Variants in LGSN observed in about 807,000 individuals in gnomAD.
LGSN encodes lengsin.
A neutral mutation model predicts 19.5 loss-of-function variants in LGSN; 21 were observed. That is an observed-to-expected ratio of 1.07 (90% CI 0.76 to 1.55). The LOEUF (loss-of-function observed/expected upper bound fraction) is 1.55. Ranked by LOEUF, LGSN falls within the 40% of genes most tolerant of loss-of-function variation. The pLI is 0.00. For missense variants in LGSN, 673 were observed against 608.5 expected (o/e 1.11, Z -1.12); for synonymous variants, 257 against 215.6 (o/e 1.19, Z -1.68).
the LGSN span, chr6:63,571,907 C>T: frequency 1.3e-5 from 2 of 152,154 alleles, no homozygotes; most frequent in East Asian, 1.9e-4. Context: ...AGCCTAAGGC[C>T]GTGGCATGCA....
chr6:63,325,186 A>G, the LGSN span, among the ~76,000 whole-genome samples: 1 of 152,038 alleles, frequency 6.6e-6, no homozygotes, highest in Non-Finnish European at 1.5e-5. Context: ...AAAAAACACA[A>G]AACAAACAAA....
the LGSN span, among the ~76,000 whole-genome samples, chr6:63,475,093 A>G: frequency 6.6e-6 from 1 of 152,176 alleles, no homozygotes; most frequent in African/African-American, 2.4e-5. Context: ...AATGACCTCT[A>G]TAAGGACAAA....
At chr6:63,327,330 C>T in the LGSN span, among the ~76,000 whole-genome samples, 2 of 152,194 alleles carry the variant, frequency 1.3e-5, no homozygotes, top group African/African-American at 4.8e-5. Flanking sequence ...AGATGGCTGC[C>T]ATGGGACCTA....
the LGSN span, among the ~76,000 whole-genome samples, chr6:63,424,308 C>A: frequency 2.6e-5 from 4 of 151,956 alleles, no homozygotes; most frequent in African/African-American, 9.7e-5. Context: ...CTCCCTATAA[C>A]CATTAAGGAA....
At chr6:63,547,251 ATGATCT>A in the LGSN span, among the ~76,000 whole-genome samples, 4 of 140,196 alleles carry the variant, frequency 2.9e-5, no homozygotes, top group Non-Finnish European at 6.0e-5. Flanking sequence ...GTGCAATGGT[ATGATCT>A]CAGCACACTG....
chr6:63,563,068 G>C, the LGSN span, among the ~76,000 whole-genome samples: 1 of 152,108 alleles, frequency 6.6e-6, no homozygotes, highest in African/African-American at 2.4e-5. Context: ...TGCCTCCACT[G>C]TCCTGATCAT....
At chr6:63,418,207 T>G in the LGSN span, among the ~76,000 whole-genome samples, 1 of 152,194 alleles carries the variant, frequency 6.6e-6, no homozygotes, top group Non-Finnish European at 1.5e-5. Flanking sequence ...TCTGGAATTA[T>G]GTAGTAGACA....
the LGSN span, among the ~76,000 whole-genome samples, chr6:63,464,502 C>G: frequency 6.7e-6 from 1 of 149,664 alleles, no homozygotes; most frequent in East Asian, 1.9e-4. Context: ...AGTACCTAGC[C>G]TCACTTAGCT....
At chr6:63,478,930 T>A in the LGSN span, among the ~76,000 whole-genome samples, 1 of 152,256 alleles carries the variant, frequency 6.6e-6, no homozygotes, top group Non-Finnish European at 1.5e-5. Flanking sequence ...GATACCACAG[T>A]GGTTACAATG....
chr6:63,411,827 A>G, the LGSN span, among the ~76,000 whole-genome samples: 1 of 152,144 alleles, frequency 6.6e-6, no homozygotes, highest in African/African-American at 2.4e-5. Context: ...AGCCTGGGTG[A>G]CAGAGTGAGA....
At chr6:63,512,111 C>T in the LGSN span, among the ~76,000 whole-genome samples, 5 of 150,550 alleles carry the variant, frequency 3.3e-5, no homozygotes, top group East Asian at 7.8e-4. Context: ...GAGACAAAGT[C>T]TTGCTCTGTT....
At chr6:63,330,977 C>T in the LGSN span, among the ~76,000 whole-genome samples, 4 of 152,182 alleles carry the variant, frequency 2.6e-5, no homozygotes, top group Non-Finnish European at 4.4e-5. Flanking sequence ...CCAGGTCTGC[C>T]TTGATCTGTT....
At chr6:63,490,246 T>C in the LGSN span, among the ~76,000 whole-genome samples, 6 of 152,322 alleles carry the variant, frequency 3.9e-5, no homozygotes, top group African/African-American at 1.4e-4. Context: ...CTGCCTGTTT[T>C]CAGGTCATCC....
rs1562003524 is a variant in LGSN at position 63,281,155 on chromosome 6, G to A, written c.396C>T (p.Asp132=). The part of the protein sequence containing the change: ...GYLEVIPNPK[D]NEMNNIRATC... ...TGGCTCTTATGTTATTCATTTCATT[G>A]TCCTTTGGATTTGGTATCACTTCAA... is the stretch of plus-strand genomic sequence containing the variant. The change falls in exon 4 of 4, where the codon GAC becomes GAT. Residue 132 remains aspartate, a synonymous_variant. Coordinates refer to ENST00000370657, the MANE Select transcript of LGSN (RefSeq NM_016571.3). 2.5e-6 allele frequency: 4 copies of A among 1,613,130 alleles called. No homozygotes were observed. The highest frequency in any genetic ancestry group is 3.4e-6 in the Non-Finnish European group (4 of 1,179,754).
chr6:63,451,630 G>T, the LGSN span, among the ~76,000 whole-genome samples: 1 of 151,952 alleles, frequency 6.6e-6, no homozygotes, highest in Non-Finnish European at 1.5e-5. Flanking sequence ...AGAGGATCAG[G>T]AAAAATAACT....
the LGSN span, among the ~76,000 whole-genome samples, chr6:63,525,508 T>G: frequency 1.3e-5 from 2 of 152,200 alleles, no homozygotes; most frequent in African/African-American, 4.8e-5. Context: ...TTCCACTATT[T>G]CCCCATCTCC....
the LGSN span, among the ~76,000 whole-genome samples, chr6:63,505,507 G>A: frequency 1.4e-5 from 2 of 147,332 alleles, no homozygotes; most frequent in Admixed American, 6.9e-5. Flanking sequence ...GAACCCAGGA[G>A]GTGGAGGTTG....
At chr6:63,431,339 T>C in the LGSN span, among the ~76,000 whole-genome samples, 2 of 152,314 alleles carry the variant, frequency 1.3e-5, no homozygotes, top group South Asian at 4.1e-4. Context: ...AACCTGAGTG[T>C]TGGTTGGGGC....
At chr6:63,329,650 CT>C in the LGSN span, among the ~76,000 whole-genome samples, 1 of 152,126 alleles carries the variant, frequency 6.6e-6, no homozygotes, top group Non-Finnish European at 1.5e-5. Context: ...CATTTTTTGC[CT>C]TTCCAGATTC....
Sources: gnomAD v4.1 joint callset for allele counts (sites outside exome capture counted in the v4.1 genomes callset) on GRCh38, gnomAD v4.1.1 for gene constraint, MANE v1.5 for transcripts, NCBI Gene and HGNC (gene_info 2026-07-23, HGNC 2026-07-21) for gene names.